Variants in TGFA observed in about 807,000 individuals in gnomAD.
TGFA encodes transforming growth factor alpha, also known as protransforming growth factor alpha.
TGFA carries 12 observed loss-of-function variants against 21.7 expected under a neutral mutation model. The ratio of observed to expected loss-of-function variants is 0.55; its 90% CI spans 0.35 to 0.90. The LOEUF (loss-of-function observed/expected upper bound fraction) is 0.90, where lower values mean the gene tolerates loss of function less well. Ranked by LOEUF, TGFA falls within the 40% of genes least tolerant of loss-of-function variation. TGFA has a pLI of 0.01. For missense variants in TGFA, 178 were observed against 210.8 expected (o/e 0.84, Z 0.96); for synonymous variants, 79 against 88.1 (o/e 0.90, Z 0.58).
intron 2 of TGFA, among the ~76,000 whole-genome samples, chr2:70,510,455 T>A (rs557522883): frequency 1.4e-4 from 21 of 152,290 alleles, no homozygotes; most frequent in Non-Finnish European, 2.4e-4. Context: ...TGTGTGGTCA[T>A]GTGAAAAACC....
chr2:70,474,926 T>G (rs1188299953), intron 2 of TGFA, among the ~76,000 whole-genome samples: 2 of 152,098 alleles, frequency 1.3e-5, no homozygotes, highest in Admixed American at 1.3e-4. Flanking sequence ...CAATTTAGTT[T>G]CTACTTTCCT....
At chr2:70,514,727 G>A in intron 2 of TGFA, 132 bp downstream of exon 2, 1 of 951,400 alleles carries the variant, frequency 1.1e-6, no homozygotes. Context: ...TGAGGAGGGG[G>A]CAGAGAGGAC....
intron 1 of TGFA, among the ~76,000 whole-genome samples, chr2:70,517,772 A>G (rs1223983096): frequency 6.6e-6 from 1 of 152,320 alleles, no homozygotes. Context: ...ACAAACCCCA[A>G]GTTAGTCCAA....
At position 70,549,347 on chromosome 2, in the gene TGFA, G is replaced by A. The variant is rs911954320; in HGVS notation, c.40+4381C>T. 1.2e-4 allele frequency among the ~76,000 whole-genome samples: 19 copies of A among 152,160 alleles called. 1 individual carries two copies. Among genetic ancestry groups the A allele is most frequent in the South Asian group, 4.1e-4 (2 of 4,834 alleles). ...CTTTAGGTAACATGCAATTGGTTAA[G>A]CCAAAAGTTTCCCTAACAGCAACTG... On this transcript the variant is annotated intron_variant, in intron 1 of 5. Transcript: ENST00000295400.
chr2:70,518,763 C>T lies in TGFA; in HGVS notation c.41-3851G>A, dbSNP rs11466214. On this transcript the variant is annotated intron_variant, in intron 1 of 5. Coordinates refer to ENST00000295400, the MANE Select transcript of TGFA (RefSeq NM_003236.4). ...CTTCTGTGGACACTCAGCTATAGTG[C>T]CTGGAGCTGGGAGGAGCATCCTCTG... 8.7e-3 allele frequency among the ~76,000 whole-genome samples: 1,318 copies of T among 152,290 alleles called. 15 individuals carry two copies. The highest frequency in any genetic ancestry group is 0.03 in the African/African-American group (1,241 of 41,550).
chr2:70,507,309 G>A (rs1553500291), intron 2 of TGFA, among the ~76,000 whole-genome samples: 2 of 152,234 alleles, frequency 1.3e-5, no homozygotes, highest in Non-Finnish European at 1.5e-5. Flanking sequence ...CAATGCAAAT[G>A]AAATTCACAT....
chr2:70,531,014 C>T (rs1395455240), intron 1 of TGFA, among the ~76,000 whole-genome samples: 1 of 152,224 alleles, frequency 6.6e-6, no homozygotes, highest in Non-Finnish European at 1.5e-5. Flanking sequence ...ATAGCCACCT[C>T]CACTGAAGTG....
At chr2:70,520,942 C>T (rs1672431818) in intron 1 of TGFA, among the ~76,000 whole-genome samples, 2 of 152,066 alleles carry the variant, frequency 1.3e-5, no homozygotes, top group Non-Finnish European at 2.9e-5. Context: ...CTCCTTCACC[C>T]AGTATCCAAG....
intron 3 of TGFA, among the ~76,000 whole-genome samples, chr2:70,459,973 C>T (rs1553491264): frequency 6.6e-6 from 1 of 152,132 alleles, no homozygotes. Context: ...GCGTCTTAGC[C>T]CCAAGCAGCC....
chr2:70,516,769 A>G (rs4464299), intron 1 of TGFA, among the ~76,000 whole-genome samples: 9,807 of 152,208 alleles, frequency 0.064, 1,057 homozygotes, highest in African/African-American at 0.22. Flanking sequence ...GCCACAAACC[A>G]TCCTTGGCTA....
chr2:70,514,941 G>T (rs1672225596), intron 1 of TGFA, 29 bp from the exon 2 acceptor site: 1 of 1,610,122 alleles, frequency 6.2e-7, no homozygotes, highest in South Asian at 1.1e-5. Context: ...GAGGGAAAAG[G>T]TCAGAGTCTG....
intron 1 of TGFA, among the ~76,000 whole-genome samples, chr2:70,538,697 G>T (rs1286689930): frequency 6.6e-6 from 1 of 152,188 alleles, no homozygotes; most frequent in African/African-American, 2.4e-5. Flanking sequence ...TCTTCTGGAT[G>T]AACAAAGAAA....
chr2:70,507,224 C>G (rs1397614943), intron 2 of TGFA, among the ~76,000 whole-genome samples: 1 of 152,254 alleles, frequency 6.6e-6, no homozygotes, highest in African/African-American at 2.4e-5. Flanking sequence ...AGCCTGCACT[C>G]AGTGCACACT....
At chr2:70,523,399 T>G (rs426081) in intron 1 of TGFA, among the ~76,000 whole-genome samples, 1 of 152,036 alleles carries the variant, frequency 6.6e-6, no homozygotes, top group African/African-American at 2.4e-5. Flanking sequence ...TCCAGATGAT[T>G]GAAGCAAACA....
chr2:70,531,545 C>T (rs73939729), intron 1 of TGFA, among the ~76,000 whole-genome samples: 5,404 of 152,282 alleles, frequency 0.035, 340 homozygotes, highest in African/African-American at 0.12. Context: ...CCATCTCAAG[C>T]AAGAATGCAA....
intron 2 of TGFA, among the ~76,000 whole-genome samples, chr2:70,500,741 C>A (rs1409227465): frequency 2.6e-5 from 4 of 152,120 alleles, no homozygotes; most frequent in Non-Finnish European, 1.5e-5. Context: ...GAAGAGCTGG[C>A]CCTGGGCACC....
intron 1 of TGFA, among the ~76,000 whole-genome samples, chr2:70,523,923 T>C (rs1574131346): frequency 6.6e-6 from 1 of 152,196 alleles, no homozygotes; most frequent in Non-Finnish European, 1.5e-5. Flanking sequence ...AGAAGTAACA[T>C]AGCTGCAAAA....
chr2:70,532,827 C>T (rs1672853497), intron 1 of TGFA, among the ~76,000 whole-genome samples: 1 of 151,818 alleles, frequency 6.6e-6, no homozygotes, highest in Non-Finnish European at 1.5e-5. Context: ...GGTGGTGAAG[C>T]ACATCTCTGA....
At chr2:70,530,246 T>C (rs1025326579) in intron 1 of TGFA, among the ~76,000 whole-genome samples, 5 of 152,236 alleles carry the variant, frequency 3.3e-5, no homozygotes, top group Admixed American at 3.3e-4. Context: ...CTTATCTTGG[T>C]CTGGATAGTT....
Sources: gnomAD v4.1 joint callset for allele counts (sites outside exome capture counted in the v4.1 genomes callset) on GRCh38, gnomAD v4.1.1 for gene constraint, MANE v1.5 for transcripts, NCBI Gene and HGNC (gene_info 2026-07-23, HGNC 2026-07-21) for gene names.